Variants in ROBO1 observed in about 807,000 individuals in gnomAD.
The protein encoded by ROBO1 is roundabout homolog 1.
Under a neutral mutation model 195.9 loss-of-function variants are expected in ROBO1, and 149 were observed. The ratio of observed to expected loss-of-function variants is 0.76; its 90% CI spans 0.67 to 0.87. The LOEUF is 0.87. Ranked by LOEUF, ROBO1 falls within the 40% of genes least tolerant of loss-of-function variation. ROBO1 has a pLI of 0.00. For synonymous variants in ROBO1, 816 were observed against 733.2 expected (o/e 1.11, Z -1.82); for missense variants, 1,933 against 2,068.3 (o/e 0.93, Z 1.27).
rs375197315 is a variant in ROBO1, at chr3:79,481,304, A to G, written c.88+108520T>C. Among the ~76,000 whole-genome samples, 18 of 152,256 alleles carry G rather than the reference A, an allele frequency of 1.2e-4. No homozygotes were observed. The South Asian group carries it at 3.5e-3, about 30-fold the overall frequency. On this transcript the variant is annotated intron_variant, in intron 2 of 30. Coordinates refer to ENST00000464233, the MANE Select transcript of ROBO1 (RefSeq NM_002941.4). ...ATGGAGCTCAGCTGAATTTTGTCGA[A>G]CACAATTTTATCTACTTTTTGTAAA...
intron 3 of ROBO1, among the ~76,000 whole-genome samples, chr3:78,984,721 ATG>A (rs2077067508): frequency 6.6e-6 from 1 of 152,162 alleles, no homozygotes; most frequent in South Asian, 2.1e-4. Context: ...AGATGAGACT[ATG>A]TAGGCAACTA....
intron 4 of ROBO1, among the ~76,000 whole-genome samples, chr3:78,904,346 G>C (rs1014415715): frequency 6.6e-6 from 1 of 151,956 alleles, no homozygotes; most frequent in Non-Finnish European, 1.5e-5. Context: ...ATTTTACAAA[G>C]TTTTATACAC....
At chr3:78,719,355 A>C (rs2081985931) in intron 5 of ROBO1, among the ~76,000 whole-genome samples, 1 of 152,182 alleles carries the variant, frequency 6.6e-6, no homozygotes, top group Admixed American at 6.6e-5. Context: ...TTTCATACAT[A>C]TTTAAATTTT....
At chr3:79,633,353 C>CCTT (rs376601096) in intron 1 of ROBO1, among the ~76,000 whole-genome samples, 1 of 119,900 alleles carries the variant, frequency 8.3e-6, no homozygotes, top group African/African-American at 3.2e-5. Flanking sequence ...TTTTGCATTT[C>CCTT]TTTTTTTTTT....
At chr3:79,285,343 C>T (rs1414374731) in intron 2 of ROBO1, among the ~76,000 whole-genome samples, 1 of 152,172 alleles carries the variant, frequency 6.6e-6, no homozygotes, top group Non-Finnish European at 1.5e-5. Flanking sequence ...GTATTGCTTG[C>T]ACCTGTATAT....
At chr3:78,926,635 G>A (rs2039235594) in intron 4 of ROBO1, among the ~76,000 whole-genome samples, 1 of 152,154 alleles carries the variant, frequency 6.6e-6, no homozygotes, top group Non-Finnish European at 1.5e-5. Context: ...ACCTCCAAAT[G>A]GAGCTGAGTA....
chr3:78,643,078 C>T (rs1167101967), intron 21 of ROBO1, among the ~76,000 whole-genome samples: 2 of 152,072 alleles, frequency 1.3e-5, no homozygotes, highest in Admixed American at 6.6e-5. Context: ...AAATAAACCA[C>T]GTAATCTGCA....
intron 1 of ROBO1, among the ~76,000 whole-genome samples, chr3:79,742,706 T>C (rs978027438): frequency 2.0e-5 from 3 of 152,196 alleles, no homozygotes; most frequent in African/African-American, 7.2e-5. Flanking sequence ...TGAGAATAGC[T>C]AAGAGTTTCT....
At chr3:79,687,381 A>G (rs938883665) in intron 1 of ROBO1, among the ~76,000 whole-genome samples, 4 of 152,334 alleles carry the variant, frequency 2.6e-5, no homozygotes, top group African/African-American at 9.6e-5. Flanking sequence ...ATGGGATCTA[A>G]TTAAACTAAA....
chr3:79,688,281 A>G (rs889710821), intron 1 of ROBO1, among the ~76,000 whole-genome samples: 25 of 151,352 alleles, frequency 1.7e-4, no homozygotes, highest in Non-Finnish European at 2.8e-4. Context: ...TGACGAGTTA[A>G]TGGGTGCAGC....
intron 1 of ROBO1, among the ~76,000 whole-genome samples, chr3:79,723,163 G>T (rs766604053): frequency 2.6e-5 from 4 of 152,166 alleles, no homozygotes; most frequent in Non-Finnish European, 5.9e-5. Context: ...CCGTGACAAT[G>T]TTGGATCGTA....
intron 10 of ROBO1, among the ~76,000 whole-genome samples, chr3:78,676,468 A>C (rs551297818): frequency 6.8e-4 from 104 of 152,358 alleles, no homozygotes; most frequent in African/African-American, 2.5e-3. Context: ...ACCAATACAG[A>C]GAAGTGCCTA....
At chr3:79,110,562 G>C (rs1359778388) in intron 3 of ROBO1, among the ~76,000 whole-genome samples, 2 of 151,104 alleles carry the variant, frequency 1.3e-5, no homozygotes, top group Non-Finnish European at 2.9e-5. Context: ...TCTCAAGAAT[G>C]AGAATCTCGT....
chr3:78,892,637 A>G (rs544177499), intron 4 of ROBO1, among the ~76,000 whole-genome samples: 28 of 152,296 alleles, frequency 1.8e-4, no homozygotes, highest in Middle Eastern at 3.4e-3. Context: ...ATGAAAGGCT[A>G]AAGAGTCTCA....
chr3:79,263,873 C>T (rs1345058525), intron 2 of ROBO1, among the ~76,000 whole-genome samples: 1 of 151,954 alleles, frequency 6.6e-6, no homozygotes, highest in Admixed American at 6.6e-5. Context: ...ACGGCAATTG[C>T]TAAAGACAAA....
intron 1 of ROBO1, among the ~76,000 whole-genome samples, chr3:79,749,304 T>A (rs1046367198): frequency 6.6e-6 from 1 of 152,148 alleles, no homozygotes; most frequent in Non-Finnish European, 1.5e-5. Context: ...CAAGATGTGA[T>A]ATGGGTGCTG....
chr3:78,769,053 G>A (rs1325026253), intron 4 of ROBO1, among the ~76,000 whole-genome samples: 2 of 151,982 alleles, frequency 1.3e-5, no homozygotes, highest in East Asian at 1.9e-4. Flanking sequence ...TGGATGAGAT[G>A]TTCTGTACAT....
At chr3:79,064,058 A>T (rs1226828568) in intron 3 of ROBO1, among the ~76,000 whole-genome samples, 1 of 151,908 alleles carries the variant, frequency 6.6e-6, no homozygotes, top group Non-Finnish European at 1.5e-5. Flanking sequence ...ATAATAAAGT[A>T]TTGCATGTTT....
chr3:79,240,778 A>G (rs993508547), intron 2 of ROBO1, among the ~76,000 whole-genome samples: 7 of 151,926 alleles, frequency 4.6e-5, no homozygotes, highest in African/African-American at 1.7e-4. Flanking sequence ...TCAGCCTGGG[A>G]CTACAGGCAT....
Sources: allele counts gnomAD v4.1 joint callset (sites outside exome capture counted in the v4.1 genomes callset), GRCh38; gene constraint gnomAD v4.1.1; transcripts MANE v1.5; gene names NCBI Gene and HGNC (gene_info 2026-07-23, HGNC 2026-07-21).